SNX13: variants seen among roughly 807,000 people sequenced by gnomAD.
SNX13 encodes the protein sorting nexin-13.
A neutral mutation model predicts 133.6 loss-of-function variants in SNX13; 45 were observed. The observed-to-expected ratio is 0.34, with a 90% CI of 0.27 to 0.43. The LOEUF (loss-of-function observed/expected upper bound fraction) is 0.43. Among genes scored for constraint, SNX13 ranks in the 20% least tolerant of loss-of-function variants. The pLI is 1.00. For synonymous variants in SNX13, 414 were observed against 373.9 expected, an observed-to-expected ratio of 1.11 and a Z score of -1.24; for missense variants, 1,032 against 1,145.1, an observed-to-expected ratio of 0.90 and a Z score of 1.43.
At chr7:17,813,088 A>C (rs1449812150) in intron 20 of SNX13, among the ~76,000 whole-genome samples, 1 of 152,182 alleles carries the variant, frequency 6.6e-6, no homozygotes, top group Non-Finnish European at 1.5e-5. Context: ...CACATTCTGC[A>C]CATGTATCCA....
At chr7:17,911,561 C>A (rs1364718221) in intron 1 of SNX13, among the ~76,000 whole-genome samples, 4 of 150,942 alleles carry the variant, frequency 2.7e-5, no homozygotes, top group African/African-American at 9.8e-5. Context: ...ACTGCTTGAA[C>A]CAGGAAGCAG....
At chr7:17,895,726 TTG>T (rs1266325272) in intron 2 of SNX13, among the ~76,000 whole-genome samples, 1 of 152,144 alleles carries the variant, frequency 6.6e-6, no homozygotes, top group Non-Finnish European at 1.5e-5. Context: ...TGAATAAACT[TTG>T]TGCAGGATCT....
intron 13 of SNX13, among the ~76,000 whole-genome samples, chr7:17,836,379 T>C (rs947989559): frequency 2.6e-5 from 4 of 151,952 alleles, no homozygotes; most frequent in Non-Finnish European, 5.9e-5. Context: ...ATTAGCTGGA[T>C]GTGGGTGCAT....
intron 1 of SNX13, among the ~76,000 whole-genome samples, chr7:17,933,421 T>C (rs563015888): frequency 4.6e-5 from 7 of 151,936 alleles, no homozygotes; most frequent in Non-Finnish European, 1.0e-4. Flanking sequence ...CACGCGCCTG[T>C]AGTCCCAGCT....
At chr7:17,888,685 C>G (rs1249778781) in intron 5 of SNX13, 13 of 470,786 alleles carry the variant, frequency 2.8e-5, no homozygotes, top group Non-Finnish European at 4.8e-5. Context: ...CTCCACTGAG[C>G]AGGGACTTTG....
chr7:17,844,648 T>G (rs1216339391), intron 12 of SNX13, among the ~76,000 whole-genome samples: 4 of 151,050 alleles, frequency 2.6e-5, no homozygotes, highest in Non-Finnish European at 3.0e-5. Context: ...AAATCCTCCA[T>G]AAAATACTAG....
intron 17 of SNX13, among the ~76,000 whole-genome samples, chr7:17,824,073 T>C (rs1204453135): frequency 1.3e-5 from 2 of 152,104 alleles, no homozygotes; most frequent in Admixed American, 6.6e-5. Context: ...GTTACATATA[T>C]TGGTTTTGTG....
intron 2 of SNX13, among the ~76,000 whole-genome samples, chr7:17,895,485 C>A (rs553856682): frequency 1.1e-3 from 163 of 152,200 alleles, no homozygotes; most frequent in African/African-American, 3.7e-3. Flanking sequence ...ATAAACTATG[C>A]AAGTTAAAAA....
intron 15 of SNX13, chr7:17,832,293 G>T: frequency 1.0e-6 from 1 of 984,554 alleles, no homozygotes; most frequent in Non-Finnish European, 1.2e-6. Flanking sequence ...AGACTGGCTA[G>T]AAAGATATGA....
intron 25 of SNX13, chr7:17,795,362 A>T (rs1404422): frequency 1.3e-5 from 2 of 151,228 alleles, no homozygotes; most frequent in African/African-American, 2.4e-5. Context: ...ACTAGGGGTA[A>T]GATATAATTT....
intron 12 of SNX13, among the ~76,000 whole-genome samples, chr7:17,841,979 G>A (rs1789960582): frequency 6.6e-6 from 1 of 151,952 alleles, no homozygotes; most frequent in Non-Finnish European, 1.5e-5. Flanking sequence ...AAAATACAAA[G>A]AAGAGTAAAC....
At chr7:17,878,319 T>C (rs1325194769) in intron 5 of SNX13, among the ~76,000 whole-genome samples, 2 of 152,182 alleles carry the variant, frequency 1.3e-5, no homozygotes, top group Non-Finnish European at 2.9e-5. Context: ...ATTTCTTGAA[T>C]TTAAAAATAA....
chr7:17,831,181 A>G, intron 15 of SNX13: 4 of 984,144 alleles, frequency 4.1e-6, no homozygotes, highest in Non-Finnish European at 4.8e-6. Context: ...GATCAACAAT[A>G]AGAAGATCCA....
At chr7:17,898,837 G>A (rs573289832) in intron 1 of SNX13, 24 of 152,068 alleles carry the variant, frequency 1.6e-4, no homozygotes, top group African/African-American at 7.2e-5. Flanking sequence ...CTTCTTTTAC[G>A]TCCCTCAGAG....
At chr7:17,851,582 T>G (rs1413331020) in intron 9 of SNX13, among the ~76,000 whole-genome samples, 1 of 152,038 alleles carries the variant, frequency 6.6e-6, no homozygotes, top group African/African-American at 2.4e-5. Context: ...CCAAAAGAAT[T>G]TGCTGATAAA....
At chr7:17,807,191 G>T (rs1253226918) in intron 20 of SNX13, among the ~76,000 whole-genome samples, 1 of 152,108 alleles carries the variant, frequency 6.6e-6, no homozygotes, top group African/African-American at 2.4e-5. Flanking sequence ...AGCCCAGCAA[G>T]CTATAAGATC....
rs57618763 is a variant in SNX13, at chr7:17,877,045, GAAAAAA to G, written c.441-1261_441-1256del. On this transcript the variant is annotated intron_variant, in intron 5 of 25. Coordinates refer to ENST00000428135, the MANE Select transcript of SNX13 (RefSeq NM_015132.5). ...GCTGACTTAATTACTGTTACTTTTT[GAAAAAA>G]AAAAAAAAAAAAAAAAAGCCTTAAA... Among the ~76,000 whole-genome samples, 558 of 60,038 alleles carry G rather than the reference GAAAAAA, an allele frequency of 9.3e-3. 4 individuals are homozygous for G. Among genetic ancestry groups the G allele is most frequent in the African/African-American group, 0.028 (530 of 19,146 alleles). 39.4% of individuals were successfully genotyped at this position (60,038 alleles called of 152,430 possible).
At chr7:17,897,260 G>T in intron 2 of SNX13, 74 bp downstream of exon 2, 2 of 786,944 alleles carry the variant, frequency 2.5e-6, no homozygotes, top group Non-Finnish European at 1.8e-6. Flanking sequence ...TCATACTCCC[G>T]TTTCTCAGTC....
chr7:17,808,010 C>CA (rs1233359612), intron 20 of SNX13, among the ~76,000 whole-genome samples: 4 of 152,134 alleles, frequency 2.6e-5, no homozygotes, highest in Admixed American at 2.0e-4. Context: ...AAAACCAGTG[C>CA]AAAAAGGCTG....
Sources: allele counts gnomAD v4.1 joint callset (sites outside exome capture counted in the v4.1 genomes callset), GRCh38; gene constraint gnomAD v4.1.1; transcripts MANE v1.5; gene names NCBI Gene and HGNC (gene_info 2026-07-23, HGNC 2026-07-21).